Variants in PRKG1 observed in about 807,000 individuals in gnomAD.
The protein encoded by PRKG1 is cGMP-dependent protein kinase 1.
A neutral mutation model predicts 88.1 loss-of-function variants in PRKG1; 35 were observed. That is an observed-to-expected ratio of 0.40 (90% confidence interval 0.30 to 0.53). The LOEUF is 0.53. PRKG1 is among the 20% of genes least tolerant of loss of function. The probability of loss-of-function intolerance (pLI) is 0.59; values close to 1 mark genes in which losing one functional copy is unlikely to be tolerated. For synonymous variants in PRKG1, 303 were observed against 292.5 expected (o/e 1.04, Z -0.37); for missense variants, 540 against 839.8 (o/e 0.64, Z 4.41).
chr10:51,956,341 G>T (rs1489566774), intron 5 of PRKG1, among the ~76,000 whole-genome samples: 1 of 151,388 alleles, frequency 6.6e-6, no homozygotes, highest in Non-Finnish European at 1.5e-5. Flanking sequence ...AATAATATCT[G>T]TATTAATTAT....
chr10:51,952,874 T>C (rs1244517228), intron 5 of PRKG1, among the ~76,000 whole-genome samples: 1 of 152,186 alleles, frequency 6.6e-6, no homozygotes, highest in Admixed American at 6.5e-5. Flanking sequence ...GCAGTATTTA[T>C]CTTAACCATT....
At chr10:52,102,082 G>T (rs563120984) in intron 7 of PRKG1, among the ~76,000 whole-genome samples, 1 of 152,142 alleles carries the variant, frequency 6.6e-6, no homozygotes, top group African/African-American at 2.4e-5. Context: ...AAGGGCTAAA[G>T]AACATGAACC....
At chr10:51,206,988 A>T (rs1193419516) in intron 2 of PRKG1, among the ~76,000 whole-genome samples, 1 of 152,082 alleles carries the variant, frequency 6.6e-6, no homozygotes, top group Non-Finnish European at 1.5e-5. Context: ...AGTTTTTTTT[A>T]AATTGTAGTT....
intron 5 of PRKG1, among the ~76,000 whole-genome samples, chr10:51,989,617 G>A (rs1844251125): frequency 6.6e-6 from 1 of 151,630 alleles, no homozygotes; most frequent in South Asian, 2.1e-4. Context: ...TAAAAATTAT[G>A]AAGAGAATAT....
rs56045527 is a variant in PRKG1 at position 51,549,120 on chromosome 10, C to CTT, written c.592+81304_592+81305dup. Among the ~76,000 whole-genome samples the CTT allele has an allele frequency of 8.8e-3, 621 of 70,298 alleles. 53 individuals are homozygous for CTT. The highest frequency in any genetic ancestry group is 0.024 in the African/African-American group (420 of 17,866). 46.1% of individuals were successfully genotyped at this position (70,298 alleles called of 152,430 possible). On this transcript the variant is annotated intron_variant, in intron 3 of 17. Transcript: ENST00000373980. ...TTCTTTCCTTTCTTTCTTTTCTTTT[C>CTT]TTTTTTTTTTTTTTTTTTTTTGAGA...
intron 5 of PRKG1, among the ~76,000 whole-genome samples, chr10:52,008,764 A>C (rs891448013): frequency 6.6e-6 from 1 of 152,072 alleles, no homozygotes; most frequent in Non-Finnish European, 1.5e-5. Context: ...CAGGAATGTA[A>C]TAGATATAAA....
chr10:51,078,265 A>C (rs563330931), intron 1 of PRKG1, among the ~76,000 whole-genome samples: 193 of 151,432 alleles, frequency 1.3e-3, no homozygotes, highest in Admixed American at 2.1e-3. Context: ...GTCACCCAGG[A>C]TGGAGTGCAG....
chr10:51,995,449 T>A (rs767250649), intron 5 of PRKG1, among the ~76,000 whole-genome samples: 4 of 152,220 alleles, frequency 2.6e-5, no homozygotes, highest in Non-Finnish European at 5.9e-5. Flanking sequence ...ATACAAATAT[T>A]GACATATAAG....
chr10:51,190,382 A>C (rs1837601476), intron 2 of PRKG1, among the ~76,000 whole-genome samples: 1 of 151,942 alleles, frequency 6.6e-6, no homozygotes, highest in Admixed American at 6.6e-5. Flanking sequence ...AAATCTAGAC[A>C]ATCATAAATG....
At chr10:51,346,984 C>T (rs1334385363) in intron 2 of PRKG1, among the ~76,000 whole-genome samples, 1 of 152,136 alleles carries the variant, frequency 6.6e-6, no homozygotes, top group Non-Finnish European at 1.5e-5. Flanking sequence ...CAATCAGTAG[C>T]TTGATGATGT....
intron 5 of PRKG1, among the ~76,000 whole-genome samples, chr10:51,926,357 G>A (rs1046613147): frequency 6.6e-6 from 1 of 152,062 alleles, no homozygotes; most frequent in African/African-American, 2.4e-5. Flanking sequence ...GGGGATAATA[G>A]CCTCTGTAGA....
At chr10:52,051,060 A>G (rs975448996) in intron 5 of PRKG1, among the ~76,000 whole-genome samples, 3 of 152,164 alleles carry the variant, frequency 2.0e-5, no homozygotes, top group African/African-American at 4.8e-5. Flanking sequence ...TCTCCCTACA[A>G]TAAGAACGAA....
At chr10:51,451,243 T>C (rs942997223) in intron 2 of PRKG1, among the ~76,000 whole-genome samples, 1 of 151,218 alleles carries the variant, frequency 6.6e-6, no homozygotes, top group Non-Finnish European at 1.5e-5. Context: ...CTAAGCAATG[T>C]TTAAAGCTAT....
At chr10:52,224,087 C>T (rs1056798505) in intron 9 of PRKG1, among the ~76,000 whole-genome samples, 5 of 152,080 alleles carry the variant, frequency 3.3e-5, no homozygotes, top group Admixed American at 2.6e-4. Flanking sequence ...TCTCCAGAGG[C>T]TCCTTTTTCA....
chr10:51,607,838 A>T (rs1838807244), intron 3 of PRKG1, among the ~76,000 whole-genome samples: 1 of 151,996 alleles, frequency 6.6e-6, no homozygotes, highest in Admixed American at 6.6e-5. Flanking sequence ...ATATTTGATT[A>T]AAAAAAAGAA....
At chr10:51,824,443 A>G (rs991032688) in intron 4 of PRKG1, among the ~76,000 whole-genome samples, 1 of 151,838 alleles carries the variant, frequency 6.6e-6, no homozygotes, top group Admixed American at 6.6e-5. Flanking sequence ...TATATTGTTG[A>G]TTGTTTCTTA....
At chr10:51,608,706 T>C (rs1357550504) in intron 3 of PRKG1, among the ~76,000 whole-genome samples, 1 of 152,208 alleles carries the variant, frequency 6.6e-6, no homozygotes, top group Non-Finnish European at 1.5e-5. Flanking sequence ...TGCTTAATTA[T>C]AACGACATTT....
At position 51,286,451 on chromosome 10, in the gene PRKG1, G is replaced by T. The variant is rs1840444203; in HGVS notation, c.478+133121G>T. Among the ~76,000 whole-genome samples the T allele has an allele frequency of 3.3e-5, 5 of 151,368 alleles. No individual in the cohort carries two copies. In the South Asian group the frequency reaches 1.0e-3, roughly 32 times the overall value. On this transcript the variant is annotated intron_variant, in intron 2 of 17. Coordinates refer to ENST00000373980, the MANE Select transcript of PRKG1 (RefSeq NM_006258.4). ...TCCCTTCTTATAACATTTATTTCTT[G>T]CACCACTTTTTGTTTTTGTTCCTTT... is the stretch of plus-strand genomic sequence containing the variant.
At chr10:52,038,636 T>C (rs1392152742) in intron 5 of PRKG1, among the ~76,000 whole-genome samples, 2 of 151,754 alleles carry the variant, frequency 1.3e-5, no homozygotes, top group African/African-American at 4.8e-5. Context: ...GGGGTTGAGG[T>C]ACTTGCCCCT....
Sources: allele counts gnomAD v4.1 joint callset (sites outside exome capture counted in the v4.1 genomes callset), GRCh38; gene constraint gnomAD v4.1.1; transcripts MANE v1.5; gene names NCBI Gene and HGNC (gene_info 2026-07-23, HGNC 2026-07-21).